CD84: variants seen among roughly 807,000 people sequenced by gnomAD.
CD84 encodes the protein CD84 molecule.
A neutral mutation model predicts 33.8 loss-of-function variants in CD84; 22 were observed. That is an observed-to-expected ratio of 0.65 (90% CI 0.46 to 0.93). CD84 has a LOEUF of 0.93. Ranked by LOEUF, CD84 falls within the 40% of genes least tolerant of loss-of-function variation. The pLI, the probability that CD84 is intolerant of heterozygous loss-of-function variation, is 0.00. For missense variants in CD84, 400 were observed against 397.6 expected, an observed-to-expected ratio of 1.01 and a Z score of -0.05; for synonymous variants, 154 against 145.2, an observed-to-expected ratio of 1.06 and a Z score of -0.44.
intron 1 of CD84, among the ~76,000 whole-genome samples, chr1:160,572,269 G>C (rs1435154367): frequency 6.6e-6 from 1 of 152,146 alleles, no homozygotes. Context: ...AGGATAAAAT[G>C]GAAGATAGTC....
chr1:160,559,248 A>G (rs1450024694), intron 2 of CD84, among the ~76,000 whole-genome samples: 2 of 152,212 alleles, frequency 1.3e-5, no homozygotes, highest in African/African-American at 4.8e-5. Context: ...CAGGTCACCT[A>G]CAAAGGGAAG....
rs930187057 is a variant in CD84 at position 160,542,809 on chromosome 1, T to C, written c.*5447A>G. ...CCCTCAAGTCAGAATTCAGGACTTTTTTAATGGTCCTTTGTCGAAATGTAT... is the reference window on the plus strand; with the variant it reads ...CCCTCAAGTCAGAATTCAGGACTTTCTTAATGGTCCTTTGTCGAAATGTAT... On this transcript the variant is annotated 3_prime_UTR_variant, in exon 7 of 7. Coordinates refer to ENST00000368054, the MANE Select transcript of CD84 (RefSeq NM_003874.4). The C allele has an allele frequency of 1.3e-5, 2 of 152,226 alleles. No homozygotes were observed. The highest frequency in any genetic ancestry group is 4.8e-5 in the African/African-American group (2 of 41,452). 9.4% of individuals were successfully genotyped at this position (152,226 alleles called of 1,614,324 possible).
chr1:160,574,988 T>G (rs756593213), intron 1 of CD84, among the ~76,000 whole-genome samples: 1 of 152,124 alleles, frequency 6.6e-6, no homozygotes, highest in South Asian at 2.1e-4. Flanking sequence ...AGTTGGGGTA[T>G]TGGGGAGATG....
At position 160,547,354 on chromosome 1, in the gene CD84, G is replaced by T; in HGVS notation, c.*902C>A. 2.5e-6 allele frequency: 1 copy of T among 395,844 alleles called. No homozygotes were observed. Among genetic ancestry groups the T allele is most frequent in the Non-Finnish European group, 4.4e-6 (1 of 224,836 alleles). 24.5% of individuals were successfully genotyped at this position (395,844 alleles called of 1,614,324 possible). A position where few individuals can be genotyped will look rare whatever the true frequency, so the allele number is the denominator to read the frequency against. On this transcript the variant is annotated 3_prime_UTR_variant, in exon 7 of 7. Coordinates refer to ENST00000368054, the MANE Select transcript of CD84 (RefSeq NM_003874.4). ...AGCTGGTCAGTTCCTTTTGGAGAGT[G>T]GGAATACTGGGCATGGCTGCTTCTT...
chr1:160,550,776 A>G (rs894052928), intron 5 of CD84, 162 bp downstream of exon 5: 1 of 985,270 alleles, frequency 1.0e-6, no homozygotes. Context: ...TCATAGAAAG[A>G]TCCGTGGCAT....
intron 1 of CD84, among the ~76,000 whole-genome samples, chr1:160,567,584 G>A (rs1051193761): frequency 1.3e-5 from 2 of 152,176 alleles, no homozygotes; most frequent in African/African-American, 4.8e-5. Context: ...GGGATAAACA[G>A]GACATCGTTG....
chr1:160,549,824 G>A (rs977458857), intron 6 of CD84, 93 bp downstream of exon 6: 2 of 948,242 alleles, frequency 2.1e-6, no homozygotes, highest in African/African-American at 1.6e-5. Context: ...GGAGTCCCAG[G>A]GGAACCAGCT....
intron 1 of CD84, among the ~76,000 whole-genome samples, chr1:160,578,211 T>C (rs1304904582): frequency 6.6e-6 from 1 of 152,220 alleles, no homozygotes; most frequent in Non-Finnish European, 1.5e-5. Flanking sequence ...GGTTTTCATA[T>C]GGATGACATA....
intron 5 of CD84, among the ~76,000 whole-genome samples, chr1:160,550,346 T>A (rs1312302915): frequency 6.7e-6 from 1 of 150,042 alleles, no homozygotes; most frequent in East Asian, 2.0e-4. Context: ...GACCTCAGTC[T>A]CCCCCTTGAT....
intron 1 of CD84, 44 bp from the exon 2 acceptor site, chr1:160,565,789 C>G: frequency 6.8e-7 from 1 of 1,461,430 alleles, no homozygotes; most frequent in South Asian, 1.4e-5. Flanking sequence ...ACTGTTGCAG[C>G]TTTTTCACTT....
chr1:160,554,715 A>T (rs1656488560), intron 2 of CD84, among the ~76,000 whole-genome samples: 2 of 152,188 alleles, frequency 1.3e-5, no homozygotes, highest in East Asian at 1.9e-4. Flanking sequence ...GTCTTTGTTG[A>T]ATCACTTTTT....
At chr1:160,577,152 A>T (rs1250775093) in intron 1 of CD84, among the ~76,000 whole-genome samples, 1 of 152,178 alleles carries the variant, frequency 6.6e-6, no homozygotes, top group Non-Finnish European at 1.5e-5. Flanking sequence ...CCAACATGGA[A>T]CAGTCATAAG....
chr1:160,551,754 A>G (rs1295863349), intron 4 of CD84, among the ~76,000 whole-genome samples: 2 of 152,196 alleles, frequency 1.3e-5, no homozygotes, highest in Non-Finnish European at 2.9e-5. Context: ...CATGTTGCCC[A>G]GGTTGGTCTT....
rs970043204 is a variant in CD84 at position 160,545,230 on chromosome 1, T to C, written c.*3026A>G. 6.6e-6 allele frequency: 1 copy of C among 152,200 alleles called. No homozygotes were observed. Among genetic ancestry groups the C allele is most frequent in the Non-Finnish European group, 1.5e-5 (1 of 68,026 alleles). 9.4% of individuals were successfully genotyped at this position (152,200 alleles called of 1,614,324 possible). A position where few individuals can be genotyped will look rare whatever the true frequency, so the allele number is the denominator to read the frequency against. On this transcript the variant is annotated 3_prime_UTR_variant, in exon 7 of 7. Coordinates refer to ENST00000368054, the MANE Select transcript of CD84 (RefSeq NM_003874.4). Reference sequence around the variant, plus strand: ...GCTCTTCTGGAAGACCTAACAGATCTAACCTGCTTCTGATTTTTATTTTTG... The same window carrying C: ...GCTCTTCTGGAAGACCTAACAGATCCAACCTGCTTCTGATTTTTATTTTTG...
At chr1:160,553,335 G>A (rs773720538) in intron 4 of CD84, 43 bp downstream of exon 4, 2 of 1,614,042 alleles carry the variant, frequency 1.2e-6, no homozygotes, top group Non-Finnish European at 8.5e-7. Flanking sequence ...CCCAGGAGGA[G>A]AGAAGGTGAG....
At chr1:160,551,813 G>A (rs1389715671) in intron 4 of CD84, among the ~76,000 whole-genome samples, 1 of 152,196 alleles carries the variant, frequency 6.6e-6, no homozygotes, top group Non-Finnish European at 1.5e-5. Flanking sequence ...CCAAAGCGCT[G>A]GGATTACAGG....
At chr1:160,579,027 G>T (rs1312227124) in intron 1 of CD84, among the ~76,000 whole-genome samples, 2 of 152,086 alleles carry the variant, frequency 1.3e-5, no homozygotes, top group African/African-American at 2.4e-5. Context: ...ACAATTGAAT[G>T]CCAAGAAGAA....
intron 6 of CD84, 72 bp downstream of exon 6, chr1:160,549,845 T>C: frequency 2.6e-6 from 3 of 1,142,748 alleles, no homozygotes; most frequent in Non-Finnish European, 4.0e-6. Flanking sequence ...AGCCCCTGGT[T>C]GGATGGACCG....
At chr1:160,550,802 G>T in intron 5 of CD84, 136 bp downstream of exon 5, 1 of 1,523,992 alleles carries the variant, frequency 6.6e-7, no homozygotes, top group Non-Finnish European at 8.7e-7. Flanking sequence ...CCCTGACATG[G>T]TATTTCCTGG....
Sources: allele counts gnomAD v4.1 joint callset (sites outside exome capture counted in the v4.1 genomes callset), GRCh38; gene constraint gnomAD v4.1.1; transcripts MANE v1.5; gene names NCBI Gene and HGNC (gene_info 2026-07-23, HGNC 2026-07-21).